The following PLD4 variants were observed in gnomAD, a reference collection of about 807,000 sequenced individuals.
PLD4 encodes phospholipase D family member 4.
In PLD4, 54 loss-of-function variants were observed where a neutral mutation model predicts 52.3. The observed-to-expected ratio is 1.03, with a 90% CI of 0.83 to 1.30. The LOEUF is 1.30. PLD4 is among the 50% of genes most tolerant of loss of function. The probability of loss-of-function intolerance (pLI) is 0.00; values close to 1 mark genes in which losing one functional copy is unlikely to be tolerated. For synonymous variants in PLD4, 264 were observed against 286.5 expected (o/e 0.92, Z 0.79); for missense variants, 731 against 671.1 (o/e 1.09, Z -0.99).
rs369125182 is a variant in PLD4, at chr14:104,928,908, G to A, written c.444G>A (p.Gly148=). 1.9e-5 allele frequency: 30 copies of A among 1,604,666 alleles called. 1 individual carries two copies. In the South Asian group the frequency reaches 3.1e-4, roughly 16 times the overall value. The stretch of plus-strand genomic sequence containing the variant: ...GGTCCCTCACAGGGCCTGACATCGG[G>A]GTCAACGACTCGTCTTCCCAGCTGG... ...YYWSLTGPDI[G]VNDSSSQLGE... is the part of the protein sequence containing the mutation. Residue 148 remains glycine (G), a synonymous_variant, in exon 4 of 11, where the codon GGG becomes GGA. Transcript: ENST00000392593.
rs1161224318 is a variant in PLD4 at position 104,928,266 on chromosome 14, T to C, written c.284+400T>C. 2.0e-5 allele frequency among the ~76,000 whole-genome samples: 3 copies of C among 152,140 alleles called. No individual in the cohort carries two copies. In the East Asian group the frequency reaches 5.8e-4, roughly 29 times the overall value. ...CCCGGAGGAACCTGTTGGGCCATCC[T>C]GCACACATCCCCTGGAAACGGGAGC... On this transcript the variant is annotated intron_variant, in intron 3 of 10. Transcript: ENST00000392593.
rs1389785190 is a variant in PLD4 at position 104,932,280 on chromosome 14, G to A, written c.1246G>A (p.Gly416Arg). 1 of 1,612,724 alleles carries A rather than the reference G, an allele frequency of 6.2e-7. No homozygotes were observed. The highest frequency in any genetic ancestry group is 1.1e-5 in the South Asian group (1 of 91,082). ...VDVKVFIVPVGNHSNIPFSRV... is the reference protein window; with the variant it reads ...VDVKVFIVPVRNHSNIPFSRV... ...TAAGAAAGTCTTCATCGTGCCGGTGGGGAACCATTCCAACATCCCATTCAG... is the reference window on the plus strand; with the variant it reads ...TAAGAAAGTCTTCATCGTGCCGGTGAGGAACCATTCCAACATCCCATTCAG... Residue 416 changes from glycine to arginine, a missense_variant, in exon 10 of 11, where the codon GGG becomes AGG. Physicochemically the swap from Gly to Arg is moderately radical, Grantham distance 125 (BLOSUM62 -2). Coordinates refer to ENST00000392593, the MANE Select transcript of PLD4 (RefSeq NM_138790.5). This position sits in a 1 kb window ranked among gnomAD's most constrained non-coding sequence, Gnocchi z 6.5.
chr14:104,929,062 G>C, intron 4 of PLD4, 130 bp downstream of exon 4: 1 of 1,297,460 alleles, frequency 7.7e-7, no homozygotes, highest in Non-Finnish European at 1.0e-6. Context: ...CATGGAACAG[G>C]GATTAGGCCG....
Position 104,930,079 on chromosome 14 carries a change from A to G in PLD4, c.691A>G (p.Asn231Asp). ...DGRHIYMGSANMDWRSLTQVK... is the reference protein window; with the variant it reads ...DGRHIYMGSADMDWRSLTQVK... ...ACGGCACATATACATGGGCAGTGCC[A>G]ACATGGACTGGCGGTCTCTGACGCA... Residue 231 changes from asparagine (N) to aspartate (D), a missense_variant, in exon 6 of 11, where the codon AAC becomes GAC. Physicochemically the swap from Asn to Asp is conservative, Grantham distance 23 (BLOSUM62 1). Coordinates refer to ENST00000392593, the MANE Select transcript of PLD4 (RefSeq NM_138790.5). 6.2e-7 allele frequency: 1 copy of G among 1,613,556 alleles called. No homozygotes were observed. Among genetic ancestry groups the G allele is most frequent in the South Asian group, 1.1e-5 (1 of 91,084 alleles).
chr14:104,927,919 C>T, intron 3 of PLD4, 53 bp downstream of exon 3: 1 of 1,467,844 alleles, frequency 6.8e-7, no homozygotes, highest in Non-Finnish European at 9.1e-7. Flanking sequence ...GGGGCTGCTG[C>T]CTGTGTTTCT....
Position 104,932,416 on chromosome 14 carries a change from C to A in PLD4, c.1321+61C>A. The A allele has an allele frequency of 6.4e-7, 1 of 1,551,080 alleles. No individual in the cohort carries two copies. Among genetic ancestry groups the A allele is most frequent in the Non-Finnish European group, 8.9e-7 (1 of 1,127,126 alleles). ...GGTGGCCAGGCACGGGCGAGGGAGG[C>A]ACTGGCTTTGTGACCGGCGTGGACA... On this transcript the variant is annotated intron_variant, in intron 10 of 10. Transcript: ENST00000392593. The surrounding 1 kb of genome is among the most constrained non-coding windows in gnomAD (Gnocchi z 6.5).
rs78917417 is a variant in PLD4, at chr14:104,925,309, A to G, written c.-1+319A>G. ...TCTGCAGGGTCTTACGCTATCTACC[A>G]TGGGACCAGGGGGCTACAGCCCTAC... is the stretch of plus-strand genomic sequence containing the variant. On this transcript the variant is annotated intron_variant, in intron 1 of 10. Transcript: ENST00000392593. Among the ~76,000 whole-genome samples, 1,430 of 152,270 alleles carry G rather than the reference A, an allele frequency of 9.4e-3. 17 individuals carry two copies. Among genetic ancestry groups the G allele is most frequent in the African/African-American group, 0.032 (1,316 of 41,576 alleles).
At chr14:104,929,031 C>T in intron 4 of PLD4, 99 bp downstream of exon 4, 1 of 1,419,626 alleles carries the variant, frequency 7.0e-7, no homozygotes. Context: ...CCCGGGGGCT[C>T]AGCTTGGTGG....
chr14:104,930,959 AG>A lies in PLD4; in HGVS notation c.918+19del. 1.2e-6 allele frequency: 2 copies of A among 1,611,214 alleles called. No individual in the cohort carries two copies. The highest frequency in any genetic ancestry group is 1.7e-6 in the Non-Finnish European group (2 of 1,178,262). ...TACTTCTCAGTAAGACGGGTTGAGA[AG>A]GAGCCCATCAGAGGCCCCTGTTCTC... On this transcript the variant is annotated intron_variant, in intron 7 of 10. Transcript: ENST00000392593.
rs1897594714 is a variant in PLD4 at position 104,930,109 on chromosome 14, A to T, written c.717+4A>T. 1 of 1,613,042 alleles carries T rather than the reference A, an allele frequency of 6.2e-7. No individual in the cohort carries two copies. Among genetic ancestry groups the T allele is most frequent in the African/African-American group, 1.3e-5 (1 of 74,934 alleles). ...GGACTGGCGGTCTCTGACGCAGGTGAGTGCCAGGGCCCTAACACAGGAGGC... is the reference window on the plus strand; with the variant it reads ...GGACTGGCGGTCTCTGACGCAGGTGTGTGCCAGGGCCCTAACACAGGAGGC... On this transcript the variant is annotated splice_donor_region_variant and intron_variant, in intron 6 of 10. Transcript: ENST00000392593.
intron 1 of PLD4, among the ~76,000 whole-genome samples, chr14:104,925,646 C>T (rs1897429068): frequency 6.6e-6 from 1 of 152,162 alleles, no homozygotes; most frequent in African/African-American, 2.4e-5. Context: ...ATTGACCAGC[C>T]ACAGCCCAGG....
In PLD4 at chr14:104,931,729, G is replaced by A; in HGVS notation, c.919-19G>A. On this transcript the variant is annotated intron_variant, in intron 7 of 10. Transcript: ENST00000392593. ...GGGCTGGGCTGGCAGAGCCTTCAGG[G>A]ATTTCTCTCCCGTCACAGGCGTCGC... 1 of 1,576,298 alleles carries A rather than the reference G, an allele frequency of 6.3e-7. No individual in the cohort carries two copies.
intron 7 of PLD4, among the ~76,000 whole-genome samples, chr14:104,931,208 G>A (rs1897633089): frequency 6.6e-6 from 1 of 152,244 alleles, no homozygotes; most frequent in Admixed American, 6.5e-5. Context: ...CGCCTGGGAG[G>A]TGGTGGGAGG....
downstream of PLD4, chr14:104,934,139 G>A (rs1025341534): frequency 3.7e-5 from 6 of 164,194 alleles, no homozygotes; most frequent in African/African-American, 9.8e-5. Flanking sequence ...TGCGGGCTGG[G>A]GAGACAGGCG....
At chr14:104,927,447 T>C (rs1272997398) in intron 2 of PLD4, among the ~76,000 whole-genome samples, 5 of 152,274 alleles carry the variant, frequency 3.3e-5, no homozygotes, top group Admixed American at 2.6e-4. Context: ...AGCCACAGCA[T>C]TGCAGAGTGG....
intron 1 of PLD4, among the ~76,000 whole-genome samples, chr14:104,925,970 G>A (rs1258700762): frequency 6.6e-6 from 1 of 152,104 alleles, no homozygotes; most frequent in Non-Finnish European, 1.5e-5. Context: ...CCCGACTCCT[G>A]TGGTGTTCCT....
chr14:104,932,349 T>C lies in PLD4; in HGVS notation c.1315T>C (p.Tyr439His). Residue 439 changes from tyrosine (Y) to histidine (H), a missense_variant, in exon 10 of 11, where the codon TAC (tyrosine) becomes CAC (histidine). Transcript: ENST00000392593. The surrounding 1 kb of genome is among the most constrained non-coding windows in gnomAD (Gnocchi z 6.5). ...SKFMVTEKAAYIGTSNWSEDY... is the reference protein window; with the variant it reads ...SKFMVTEKAAHIGTSNWSEDY... Reference sequence around the variant, plus strand: ...GTTCATGGTCACGGAGAAGGCAGCCTACATAGGTGAGCGCGATCAGATCAC... The same window carrying C: ...GTTCATGGTCACGGAGAAGGCAGCCCACATAGGTGAGCGCGATCAGATCAC... 1 of 1,612,426 alleles carries C rather than the reference T, an allele frequency of 6.2e-7. No homozygotes were observed.
chr14:104,927,021 C>A, intron 1 of PLD4, 120 bp from the exon 2 acceptor site: 2 of 868,428 alleles, frequency 2.3e-6, no homozygotes, highest in Non-Finnish European at 3.2e-6. Flanking sequence ...GAGTGGGGGG[C>A]TTTTGGGGGC....
In PLD4 at chr14:104,928,869, G is replaced by T. The variant is rs764540887; in HGVS notation, c.405G>T (p.Val135=). The part of the protein sequence containing the change: ...LLDTAQESVH[V]ASYYWSLTGP... ...ACACTGCCCAGGAGAGCGTCCACGT[G>T]GCTTCATACTACTGGTCCCTCACAG... The change falls in exon 4 of 11, where the codon GTG becomes GTT. Residue 135 remains valine (V), a synonymous_variant. Coordinates refer to ENST00000392593, the MANE Select transcript of PLD4 (RefSeq NM_138790.5). The T allele has an allele frequency of 5.0e-6, 8 of 1,612,084 alleles. No individual in the cohort carries two copies. The highest frequency in any genetic ancestry group is 1.6e-4 in the Middle Eastern group (1 of 6,076).
Sources: gnomAD v4.1 joint callset for allele counts (sites outside exome capture counted in the v4.1 genomes callset) on GRCh38, gnomAD v4.1.1 for gene constraint, Gnocchi (gnomAD v3.1) non-coding constraint, MANE v1.5 for transcripts, NCBI Gene and HGNC (gene_info 2026-07-23, HGNC 2026-07-21) for gene names.